GRM8: variants seen among roughly 807,000 people sequenced by gnomAD.
GRM8 encodes metabotropic glutamate receptor 8.
GRM8 carries 47 observed loss-of-function variants against 87.2 expected under a neutral mutation model. The ratio of observed to expected loss-of-function variants is 0.54; its 90% confidence interval spans 0.43 to 0.69. The LOEUF (loss-of-function observed/expected upper bound fraction) is 0.69. Among genes scored for constraint, GRM8 ranks in the 30% least tolerant of loss-of-function variants. The probability of loss-of-function intolerance (pLI) is 0.00; values close to 1 mark genes in which losing one functional copy is unlikely to be tolerated. For synonymous variants in GRM8, 396 were observed against 404.5 expected, an observed-to-expected ratio of 0.98 and a Z score of 0.25; for missense variants, 1,019 against 1,139.2, an observed-to-expected ratio of 0.89 and a Z score of 1.52.
chr7:127,128,795 G>A (rs1290585673), intron 2 of GRM8, among the ~76,000 whole-genome samples: 1 of 151,930 alleles, frequency 6.6e-6, no homozygotes, highest in African/African-American at 2.4e-5. Context: ...AATAAGCAGG[G>A]AAAAAAATGT....
At chr7:126,742,116 G>GCATTTGGGTGAAAAAAAATC (rs1053538405) in intron 7 of GRM8, among the ~76,000 whole-genome samples, 1 of 151,600 alleles carries the variant, frequency 6.6e-6, no homozygotes, top group African/African-American at 2.4e-5. Context: ...TTTTCCATCT[G>GCATTTGGGTGAAAAAAAATC]CATTTGGGTG....
intron 3 of GRM8, among the ~76,000 whole-genome samples, chr7:126,941,722 T>C (rs73228946): frequency 0.03 from 4,557 of 152,158 alleles, 90 homozygotes; most frequent in Non-Finnish European, 0.048. Flanking sequence ...GCAAACAAGA[T>C]AATACTCAAA....
chr7:126,439,169 C>T lies in GRM8; in HGVS notation c.2678-1G>A. ...ATATATGTTGTCTTGGTAGAGGAAG[C>T]TGTTAAGATAAATGAGGACAAATTA... On this transcript the variant is annotated splice_acceptor_variant, in intron 10 of 10. Transcript: ENST00000339582. LOFTEE classifies it high-confidence loss of function. 1 of 1,525,632 alleles carries T rather than the reference C, an allele frequency of 6.6e-7. No individual in the cohort carries two copies. The highest frequency in any genetic ancestry group is 1.1e-5 in the South Asian group (1 of 89,276). 94.5% of individuals were successfully genotyped at this position (1,525,632 alleles called of 1,614,324 possible).
chr7:126,903,616 CAT>C (rs1491044904), intron 5 of GRM8, among the ~76,000 whole-genome samples: 14 of 133,496 alleles, frequency 1.0e-4, no homozygotes, highest in Non-Finnish European at 2.1e-4. Context: ...TACATATATA[CAT>C]ATATATATGT....
chr7:126,914,747 A>C (rs1803706547), intron 3 of GRM8, among the ~76,000 whole-genome samples: 2 of 152,316 alleles, frequency 1.3e-5, no homozygotes, highest in Non-Finnish European at 2.9e-5. Context: ...AGATGGGAAC[A>C]ATAGACACTG....
chr7:126,941,749 G>C (rs1397846864), intron 3 of GRM8, among the ~76,000 whole-genome samples: 1 of 151,988 alleles, frequency 6.6e-6, no homozygotes, highest in African/African-American at 2.4e-5. Context: ...CGTGGTTGCA[G>C]AATCTATAAA....
intron 8 of GRM8, among the ~76,000 whole-genome samples, chr7:126,550,933 A>AT (rs1792519248): frequency 6.6e-6 from 1 of 151,790 alleles, no homozygotes. Context: ...GAGAAAAAAA[A>AT]GAGAGGAAAA....
intron 2 of GRM8, among the ~76,000 whole-genome samples, chr7:127,113,481 T>A (rs367926359): frequency 2.9e-4 from 43 of 147,698 alleles, no homozygotes; most frequent in African/African-American, 8.3e-4. Flanking sequence ...TTTGTTTTTT[T>A]CCCCCCTGCC....
chr7:127,089,466 T>G (rs1458796971), intron 3 of GRM8, among the ~76,000 whole-genome samples: 1 of 152,220 alleles, frequency 6.6e-6, no homozygotes, highest in Non-Finnish European at 1.5e-5. Context: ...GTTACTAAGC[T>G]GGCAGTATGC....
intron 2 of GRM8, among the ~76,000 whole-genome samples, chr7:127,147,076 G>T (rs1828592648): frequency 6.6e-6 from 1 of 152,014 alleles, no homozygotes; most frequent in Non-Finnish European, 1.5e-5. Flanking sequence ...TATTGCTATT[G>T]CTATTTAACT....
chr7:126,702,647 A>G (rs562382173), intron 7 of GRM8, among the ~76,000 whole-genome samples: 15 of 152,282 alleles, frequency 9.9e-5, no homozygotes, highest in African/African-American at 3.6e-4. Context: ...CCCTGAAGCC[A>G]GCAGTTGGGA....
At chr7:126,719,417 T>C (rs1051622288) in intron 7 of GRM8, among the ~76,000 whole-genome samples, 2 of 152,216 alleles carry the variant, frequency 1.3e-5, no homozygotes, top group Admixed American at 6.5e-5. Context: ...TTTAAACCTA[T>C]AGGAATTCTG....
chr7:126,882,307 TG>T (rs1222763089), intron 6 of GRM8, among the ~76,000 whole-genome samples: 1 of 152,200 alleles, frequency 6.6e-6, no homozygotes, highest in Non-Finnish European at 1.5e-5. Context: ...TTCAGGTTTT[TG>T]CTTATTTTGC....
intron 7 of GRM8, among the ~76,000 whole-genome samples, chr7:126,667,463 G>A (rs1026143474): frequency 6.6e-6 from 1 of 152,208 alleles, no homozygotes; most frequent in Non-Finnish European, 1.5e-5. Flanking sequence ...GAAGGAAAAT[G>A]TGCCAATTAT....
intron 3 of GRM8, among the ~76,000 whole-genome samples, chr7:127,106,023 C>T (rs1825774105): frequency 6.6e-6 from 1 of 152,126 alleles, no homozygotes; most frequent in Admixed American, 6.5e-5. Flanking sequence ...TCAAATATGA[C>T]AATAAGAATA....
At chr7:127,183,131 G>A (rs1352125578) in intron 2 of GRM8, among the ~76,000 whole-genome samples, 3 of 152,042 alleles carry the variant, frequency 2.0e-5, no homozygotes, top group East Asian at 1.9e-4. Flanking sequence ...CCAAAAGGAA[G>A]CTGGAATAAC....
chr7:126,643,112 A>G (rs548648504), intron 7 of GRM8, among the ~76,000 whole-genome samples: 4 of 151,268 alleles, frequency 2.6e-5, no homozygotes, highest in South Asian at 2.1e-4. Context: ...GCAACATGGC[A>G]AGACCCGTCT....
chr7:126,601,458 G>T lies in GRM8; in HGVS notation c.1494+7904C>A, dbSNP rs1585182612. 2.6e-5 allele frequency among the ~76,000 whole-genome samples: 4 copies of T among 152,214 alleles called. No individual in the cohort carries two copies. The South Asian group carries it at 6.2e-4, about 24-fold the overall frequency. ...TTGGGTATATACCCAGTAATGGGAT[G>T]GCTGGGTCAAATGGTACTTCTAGTT... On this transcript the variant is annotated intron_variant, in intron 8 of 10. Transcript: ENST00000339582.
intron 7 of GRM8, among the ~76,000 whole-genome samples, chr7:126,767,070 T>C (rs147574898): frequency 2.8e-3 from 426 of 152,274 alleles, no homozygotes; most frequent in African/African-American, 7.8e-3. Context: ...GCCAGGGCTA[T>C]GCCAATCCCT....
Sources: allele counts gnomAD v4.1 joint callset (sites outside exome capture counted in the v4.1 genomes callset), GRCh38; gene constraint gnomAD v4.1.1; transcripts MANE v1.5; gene names NCBI Gene and HGNC (gene_info 2026-07-23, HGNC 2026-07-21).